Variants in ETNK2 observed in about 807,000 individuals in gnomAD.
ETNK2 encodes ethanolamine kinase-like protein.
Under a neutral mutation model 46.2 loss-of-function variants are expected in ETNK2, and 33 were observed. That is an observed-to-expected ratio of 0.71 (90% CI 0.54 to 0.96). The LOEUF is 0.96. ETNK2 is among the 40% of genes least tolerant of loss of function. The pLI is 0.00. For synonymous variants in ETNK2, 194 were observed against 209.0 expected, an observed-to-expected ratio of 0.93 and a Z score of 0.62; for missense variants, 445 against 509.7, an observed-to-expected ratio of 0.87 and a Z score of 1.22.
chr1:204,151,700 G>T lies in ETNK2; in HGVS notation c.153C>A (p.Val51=). 1.9e-6 allele frequency: 3 copies of T among 1,545,594 alleles called. No individual in the cohort carries two copies. Among genetic ancestry groups the T allele is most frequent in the Non-Finnish European group, 2.6e-6 (3 of 1,144,880 alleles). The part of the protein sequence containing the change: ...EPPGPPRAAA[V]AYFGISVDPD... ...GGTCCACGGAAATGCCGAAGTACGCGACGGCGGCGGCCCTCGGGGGGCCCG... is the reference window on the plus strand; with the variant it reads ...GGTCCACGGAAATGCCGAAGTACGCTACGGCGGCGGCCCTCGGGGGGCCCG... Residue 51 remains valine, a synonymous_variant, in exon 1 of 8, where the codon GTC becomes GTA. Transcript: ENST00000367202. The surrounding 1 kb of genome is among the most constrained non-coding windows in gnomAD (Gnocchi z 8.0).
chr1:204,136,421 A>ATG (rs1657285677), intron 6 of ETNK2, among the ~76,000 whole-genome samples: 1 of 149,416 alleles, frequency 6.7e-6, no homozygotes, highest in African/African-American at 2.5e-5. Flanking sequence ...ATATATATAT[A>ATG]TATATATGCC....
In ETNK2 at chr1:204,137,228, C is replaced by G; in HGVS notation, c.890G>C (p.Cys297Ser). Reference sequence around the variant, plus strand: ...CTGGGTCTCCCGCGCCGGGTACAGGCAGTAATCCACCTCATTCACGCCTGA... The same window carrying G: ...CTGGGTCTCCCGCGCCGGGTACAGGGAGTAATCCACCTCATTCACGCCTGA... ...EFAGVNEVDY[C>S]LYPARETQLQ... The change falls in exon 6 of 8, where the codon TGC becomes TCC. Residue 297 changes from cysteine to serine, a missense_variant. Coordinates refer to ENST00000367202, the MANE Select transcript of ETNK2 (RefSeq NM_018208.4). 6.2e-7 allele frequency: 1 copy of G among 1,613,856 alleles called. No individual in the cohort carries two copies. Among genetic ancestry groups the G allele is most frequent in the Non-Finnish European group, 8.5e-7 (1 of 1,179,820 alleles).
At chr1:204,146,605 T>C (rs778205099) in intron 3 of ETNK2, 37 bp downstream of exon 3, 1 of 1,612,482 alleles carries the variant, frequency 6.2e-7, no homozygotes, top group South Asian at 1.1e-5. Flanking sequence ...AGGGAGATCA[T>C]ATTAAGGCAG....
intron 5 of ETNK2, chr1:204,138,853 C>T (rs1479124641): frequency 6.6e-6 from 1 of 152,270 alleles, no homozygotes; most frequent in Admixed American, 6.5e-5. Flanking sequence ...CTTGCCTCCT[C>T]TACACAAATG....
At chr1:204,135,367 G>A (rs116191274) in intron 6 of ETNK2, among the ~76,000 whole-genome samples, 1,738 of 152,160 alleles carry the variant, frequency 0.011, 20 homozygotes, top group Non-Finnish European at 0.019. Context: ...CACCAACCCC[G>A]GTGACAGGCA....
At chr1:204,146,616 C>A (rs189471245) in intron 3 of ETNK2, 26 bp downstream of exon 3, 19 of 1,613,444 alleles carry the variant, frequency 1.2e-5, no homozygotes, top group Middle Eastern at 3.3e-4. Context: ...ATTAAGGCAG[C>A]CTTGGACCCT....
chr1:204,132,299 C>T, intron 7 of ETNK2, 43 bp from the exon 8 acceptor site: 1 of 1,497,598 alleles, frequency 6.7e-7, no homozygotes. Context: ...GGAAGAAAGC[C>T]AGGTGGGCCC....
Position 204,151,972 on chromosome 1 carries a change from G to T in ETNK2, c.-120C>A, listed in dbSNP as rs922985251. ...GAAGTCCATGACTCAGGCGCGAGCT[G>T]CCCGCTTCGATCGCCGGCTCGCGGC... is the stretch of plus-strand genomic sequence containing the variant. On this transcript the variant is annotated 5_prime_UTR_variant, in exon 1 of 8. Coordinates refer to ENST00000367202, the MANE Select transcript of ETNK2 (RefSeq NM_018208.4). This position sits in a 1 kb window ranked among gnomAD's most constrained non-coding sequence, Gnocchi z 8.0. The T allele has an allele frequency of 9.4e-7, 1 of 1,066,638 alleles. No homozygotes were observed. Among genetic ancestry groups the T allele is most frequent in the Non-Finnish European group, 1.2e-6 (1 of 830,872 alleles). 66.1% of individuals were successfully genotyped at this position (1,066,638 alleles called of 1,614,324 possible).
chr1:204,137,209 C>A lies in ETNK2; in HGVS notation c.909G>T (p.Glu303Asp). 2 of 1,613,960 alleles carry A rather than the reference C, an allele frequency of 1.2e-6. No homozygotes were observed. The highest frequency in any genetic ancestry group is 1.1e-5 in the South Asian group (1 of 91,078). Residue 303 changes from glutamate to aspartate, a missense_variant, in exon 6 of 8, where the codon GAG becomes GAT. Transcript: ENST00000367202. ...AGTAGTGCAGCCACTGCAGCTGGGT[C>A]TCCCGCGCCGGGTACAGGCAGTAAT... is the stretch of plus-strand genomic sequence containing the variant. ...EVDYCLYPAR[E>D]TQLQWLHYYL... is the part of the protein sequence containing the mutation.
chr1:204,136,428 T>A (rs866596525), intron 6 of ETNK2, among the ~76,000 whole-genome samples: 1 of 144,524 alleles, frequency 6.9e-6, no homozygotes, highest in South Asian at 2.2e-4. Context: ...TATATATATA[T>A]GCCGGGCGCA....
At chr1:204,146,881 A>T in intron 2 of ETNK2, 117 bp from the exon 3 acceptor site, 1 of 1,311,414 alleles carries the variant, frequency 7.6e-7, no homozygotes, top group Non-Finnish European at 1.1e-6. Context: ...CCAGAGGGCC[A>T]AGGATGGGAT....
At chr1:204,140,228 T>G in intron 4 of ETNK2, 110 bp from the exon 5 acceptor site, 1 of 811,596 alleles carries the variant, frequency 1.2e-6, no homozygotes, top group Non-Finnish European at 2.1e-6. Flanking sequence ...TGCCGGCCTC[T>G]GCAGCAACCC....
intron 5 of ETNK2, 41 bp from the exon 6 acceptor site, chr1:204,137,290 G>GC (rs1216542195): frequency 1.2e-6 from 2 of 1,603,972 alleles, no homozygotes; most frequent in African/African-American, 2.7e-5. Context: ...TCAGAGATGG[G>GC]CCCACCAAGG....
In ETNK2 at chr1:204,141,385, C is replaced by G. The variant is rs1178974455; in HGVS notation, c.714G>C (p.Gln238His). 1.9e-6 allele frequency: 3 copies of G among 1,613,894 alleles called. No individual in the cohort carries two copies. The highest frequency in any genetic ancestry group is 2.5e-6 in the Non-Finnish European group (3 of 1,179,854). ...GACAAAACACCACAGGGGACTCCAGCTGGGACAGATGCTCCTTCAGCCAGG... is the reference window on the plus strand; with the variant it reads ...GACAAAACACCACAGGGGACTCCAGGTGGGACAGATGCTCCTTCAGCCAGG... ...ELAWLKEHLS[Q>H]LESPVVFCHN... is the part of the protein sequence containing the mutation. Residue 238 changes from glutamine to histidine, a missense_variant, in exon 4 of 8, where the codon CAG becomes CAC. Gln to His is a conservative substitution (Grantham distance 24). Coordinates refer to ENST00000367202, the MANE Select transcript of ETNK2 (RefSeq NM_018208.4).
In ETNK2 at chr1:204,151,338, C is replaced by A. The variant is rs1178304940; in HGVS notation, c.258+257G>T. ...GGGTGCGGCCCGCACACGCAGCATG[C>A]CGACAGTGGGCAGGTGGCCACCAGG... On this transcript the variant is annotated intron_variant, in intron 1 of 7. Transcript: ENST00000367202. This position sits in a 1 kb window ranked among gnomAD's most constrained non-coding sequence, Gnocchi z 8.0. The A allele has an allele frequency of 2.7e-5, 15 of 565,728 alleles. No homozygotes were observed. Among genetic ancestry groups the A allele is most frequent in the Non-Finnish European group, 3.7e-5 (12 of 327,700 alleles). The allele number at this position is 565,728 out of a possible 1,614,324, so 35.0% of individuals were successfully genotyped here.
rs773026192 is a variant in ETNK2, at chr1:204,146,781, G to A, written c.519-17C>T. 6.2e-7 allele frequency: 1 copy of A among 1,613,888 alleles called. No individual in the cohort carries two copies. The highest frequency in any genetic ancestry group is 8.5e-7 in the Non-Finnish European group (1 of 1,179,812). ...GCGATTAACCTACAGCAGGGAACAG[G>A]AAGAGTAGAGCATCAGTGCTGGGAC... On this transcript the variant is annotated splice_polypyrimidine_tract_variant and intron_variant, in intron 2 of 7. Transcript: ENST00000367202.
At chr1:204,134,432 G>A (rs2102279903) in intron 7 of ETNK2, 83 bp downstream of exon 7, 2 of 1,483,994 alleles carry the variant, frequency 1.3e-6, no homozygotes, top group Admixed American at 2.2e-5. Flanking sequence ...TGGGCATTCT[G>A]CCTGGGCTGT....
chr1:204,131,965 G>T lies in ETNK2; in HGVS notation c.*219C>A. The T allele has an allele frequency of 1.8e-6, 1 of 570,202 alleles. No individual in the cohort carries two copies. Among genetic ancestry groups the T allele is most frequent in the Middle Eastern group, 4.7e-4 (1 of 2,110 alleles). 35.3% of individuals were successfully genotyped at this position (570,202 alleles called of 1,614,324 possible). On this transcript the variant is annotated 3_prime_UTR_variant, in exon 8 of 8. Transcript: ENST00000367202. The surrounding 1 kb of genome is among the most constrained non-coding windows in gnomAD (Gnocchi z 4.3). ...CCTCCCAAGCCTGGTGGGGTGAAGG[G>T]GACCCCCGGAAGGGGGTCCTATCAG...
At chr1:204,147,759 G>C (rs1017165324) in intron 2 of ETNK2, among the ~76,000 whole-genome samples, 8 of 152,200 alleles carry the variant, frequency 5.3e-5, no homozygotes, top group Non-Finnish European at 5.9e-5. Flanking sequence ...TGGGATAACA[G>C]AGCAGTTTTG....
Sources: allele counts gnomAD v4.1 joint callset (sites outside exome capture counted in the v4.1 genomes callset), GRCh38; gene constraint gnomAD v4.1.1; non-coding constraint Gnocchi (gnomAD v3.1); transcripts MANE v1.5; gene names NCBI Gene and HGNC (gene_info 2026-07-23, HGNC 2026-07-21).